The following TMEM272 variants were observed in gnomAD, a reference collection of about 807,000 sequenced individuals.
TMEM272 encodes the protein transmembrane protein 272.
In TMEM272, 8 loss-of-function variants were observed where a neutral mutation model predicts 3.7. The ratio of observed to expected loss-of-function variants is 2.17; its 90% confidence interval spans 1.27 to 3.91. The LOEUF (loss-of-function observed/expected upper bound fraction) is 3.91. Among genes scored for constraint, TMEM272 ranks in the 30% most tolerant of loss-of-function variants. TMEM272 has a pLI of 0.00. For synonymous variants in TMEM272, 63 were observed against 39.8 expected, an observed-to-expected ratio of 1.58 and a Z score of -2.20; for missense variants, 166 against 91.5, an observed-to-expected ratio of 1.81 and a Z score of -3.32.
chr13:51,865,701 G>T, the TMEM272 span: 62 of 1,614,030 alleles, frequency 3.8e-5, no homozygotes, highest in Non-Finnish European at 5.0e-5. Flanking sequence ...AAATCCTTCT[G>T]GGAAATGGAA....
chr13:51,831,043 G>T (rs1956169384), intron 2 of TMEM272, among the ~76,000 whole-genome samples: 1 of 152,154 alleles, frequency 6.6e-6, no homozygotes, highest in African/African-American at 2.4e-5. Flanking sequence ...CTGCACCTCA[G>T]AGCCATGACT....
chr13:51,908,974 CT>C, the TMEM272 span: 1 of 1,419,610 alleles, frequency 7.0e-7, no homozygotes, highest in East Asian at 2.3e-5. Flanking sequence ...CCTCCTCCCC[CT>C]GGAAGCAAAG....
chr13:51,917,644 G>C, the TMEM272 span, among the ~76,000 whole-genome samples: 1 of 152,204 alleles, frequency 6.6e-6, no homozygotes, highest in Non-Finnish European at 1.5e-5. Flanking sequence ...GAAGGGCTCT[G>C]CGCTAAAAGC....
At chr13:51,916,160 C>A in the TMEM272 span, among the ~76,000 whole-genome samples, 1 of 152,158 alleles carries the variant, frequency 6.6e-6, no homozygotes, top group African/African-American at 2.4e-5. Flanking sequence ...CTATCTAAAC[C>A]AATTACAAGT....
chr13:51,847,544 T>C (rs1956313104), upstream of TMEM272, among the ~76,000 whole-genome samples: 1 of 152,230 alleles, frequency 6.6e-6, no homozygotes. Context: ...ATACATTCTA[T>C]GACCTTCACA....
the TMEM272 span, among the ~76,000 whole-genome samples, chr13:51,911,792 G>A: frequency 6.6e-6 from 1 of 152,134 alleles, no homozygotes; most frequent in South Asian, 2.1e-4. Context: ...AGCCTCCATT[G>A]GCTTCTAAAC....
intron 4 of TMEM272, among the ~76,000 whole-genome samples, chr13:51,820,216 A>G (rs1177762700): frequency 6.6e-6 from 1 of 152,206 alleles, no homozygotes; most frequent in African/African-American, 2.4e-5. Context: ...TGGTAGCTCC[A>G]TGAAATGTCA....
chr13:51,924,536 C>T, the TMEM272 span, among the ~76,000 whole-genome samples: 1 of 152,112 alleles, frequency 6.6e-6, no homozygotes, highest in Non-Finnish European at 1.5e-5. Flanking sequence ...CTTCCTAGGA[C>T]CCCCACTTCT....
the TMEM272 span, among the ~76,000 whole-genome samples, chr13:51,876,870 T>G: frequency 6.6e-6 from 1 of 152,178 alleles, no homozygotes; most frequent in Non-Finnish European, 1.5e-5. Flanking sequence ...GGGTTTGAGG[T>G]GCAAGCTGGA....
chr13:51,898,401 GAACT>G, the TMEM272 span, among the ~76,000 whole-genome samples: 3 of 151,646 alleles, frequency 2.0e-5, no homozygotes, highest in Non-Finnish European at 4.4e-5. Flanking sequence ...AGTTTTCAAA[GAACT>G]AATTGAGAAA....
chr13:51,826,006 A>G (rs569480492), intron 3 of TMEM272, among the ~76,000 whole-genome samples: 5 of 152,176 alleles, frequency 3.3e-5, no homozygotes, highest in African/African-American at 1.2e-4. Flanking sequence ...CTGACACGTG[A>G]TAACAATTTT....
At chr13:51,912,586 A>G in the TMEM272 span, among the ~76,000 whole-genome samples, 1 of 151,938 alleles carries the variant, frequency 6.6e-6, no homozygotes, top group Non-Finnish European at 1.5e-5. Flanking sequence ...ATTATTGCCA[A>G]TTTGTTTCTC....
At chr13:51,863,103 G>T in the TMEM272 span, among the ~76,000 whole-genome samples, 1 of 152,222 alleles carries the variant, frequency 6.6e-6, no homozygotes, top group Non-Finnish European at 1.5e-5. Flanking sequence ...AGGAACAAAA[G>T]GGGCTCTCAG....
At chr13:51,886,865 T>C in the TMEM272 span, among the ~76,000 whole-genome samples, 1 of 152,294 alleles carries the variant, frequency 6.6e-6, no homozygotes, top group South Asian at 2.1e-4. Flanking sequence ...AAAGTACTTG[T>C]TTCTGAATGA....
chr13:51,819,420 G>T (rs1956060389), intron 4 of TMEM272, among the ~76,000 whole-genome samples: 1 of 152,150 alleles, frequency 6.6e-6, no homozygotes, highest in South Asian at 2.1e-4. Flanking sequence ...TTCCTTGGAG[G>T]AATTCCCCCA....
At chr13:51,914,328 G>A in the TMEM272 span, among the ~76,000 whole-genome samples, 142 of 152,320 alleles carry the variant, frequency 9.3e-4, no homozygotes, top group Non-Finnish European at 6.0e-4. Context: ...GGAAATTGAC[G>A]CTTAGCAGGG....
At chr13:51,876,385 A>C in the TMEM272 span, among the ~76,000 whole-genome samples, 2 of 152,236 alleles carry the variant, frequency 1.3e-5, no homozygotes, top group African/African-American at 4.8e-5. Flanking sequence ...TCATTAGCAC[A>C]TATTTCACCA....
chr13:51,827,267 G>A (rs972325871), intron 2 of TMEM272, among the ~76,000 whole-genome samples: 2 of 152,180 alleles, frequency 1.3e-5, no homozygotes, highest in African/African-American at 4.8e-5. Context: ...AGGAATGGGG[G>A]CTACACAGGC....
At chr13:51,863,346 G>A in the TMEM272 span, among the ~76,000 whole-genome samples, 2 of 152,180 alleles carry the variant, frequency 1.3e-5, no homozygotes, top group Non-Finnish European at 2.9e-5. Flanking sequence ...GTGATAGGAC[G>A]AGAGAGTGTT....
Sources: gnomAD v4.1 joint callset for allele counts (sites outside exome capture counted in the v4.1 genomes callset) on GRCh38, gnomAD v4.1.1 for gene constraint, MANE v1.5 for transcripts, NCBI Gene and HGNC (gene_info 2026-07-23, HGNC 2026-07-21) for gene names.